The following TMTC1 variants were observed in gnomAD, a reference collection of about 807,000 sequenced individuals.
The protein encoded by TMTC1 is transmembrane O-mannosyltransferase targeting cadherins 1.
Under a neutral mutation model 104.8 loss-of-function variants are expected in TMTC1, and 73 were observed. The observed-to-expected ratio is 0.70, with a 90% CI of 0.58 to 0.85. The LOEUF is 0.85. Ranked by LOEUF, TMTC1 falls within the 40% of genes least tolerant of loss-of-function variation. The pLI is 0.00. For missense variants in TMTC1, 1,035 were observed against 1,096.1 expected, an observed-to-expected ratio of 0.94 and a Z score of 0.79; for synonymous variants, 434 against 428.7, an observed-to-expected ratio of 1.01 and a Z score of -0.15.
chr12:29,680,085 A>G (rs1940862686), intron 5 of TMTC1, among the ~76,000 whole-genome samples: 1 of 152,190 alleles, frequency 6.6e-6, no homozygotes, highest in Admixed American at 6.5e-5. Flanking sequence ...AATAAAGCAA[A>G]TAAGTAATTA....
At chr12:29,620,791 A>G (rs1226738936) in intron 6 of TMTC1, among the ~76,000 whole-genome samples, 1 of 152,228 alleles carries the variant, frequency 6.6e-6, no homozygotes, top group Non-Finnish European at 1.5e-5. Context: ...ATAGCAGAAC[A>G]TTATCAGCAC....
chr12:29,727,672 G>C (rs1258157882), intron 5 of TMTC1, among the ~76,000 whole-genome samples: 1 of 152,102 alleles, frequency 6.6e-6, no homozygotes, highest in Admixed American at 6.6e-5. Flanking sequence ...CACCGTGCCT[G>C]GCCCTGAAAT....
chr12:29,664,031 C>CA (rs1164768551), intron 5 of TMTC1, among the ~76,000 whole-genome samples: 2 of 150,836 alleles, frequency 1.3e-5, no homozygotes, highest in South Asian at 2.1e-4. Flanking sequence ...ACTAAAAATA[C>CA]AAAAAATTAG....
chr12:29,779,409 T>G (rs1035140799), intron 1 of TMTC1, among the ~76,000 whole-genome samples: 3 of 152,232 alleles, frequency 2.0e-5, no homozygotes, highest in African/African-American at 4.8e-5. Context: ...TGCTTTCATA[T>G]TCCACTGTCC....
chr12:29,624,561 G>A (rs780048766), intron 6 of TMTC1, among the ~76,000 whole-genome samples: 12 of 152,082 alleles, frequency 7.9e-5, no homozygotes, highest in Non-Finnish European at 1.2e-4. Flanking sequence ...GTCTGTGATG[G>A]GTCTAGTACT....
intron 5 of TMTC1, among the ~76,000 whole-genome samples, chr12:29,739,048 G>A (rs1942756737): frequency 6.6e-6 from 1 of 152,080 alleles, no homozygotes; most frequent in Non-Finnish European, 1.5e-5. Context: ...AATATCAAAT[G>A]CTTTGAATTT....
chr12:29,774,012 C>G (rs1309646704), intron 1 of TMTC1, among the ~76,000 whole-genome samples: 1 of 87,306 alleles, frequency 1.1e-5, no homozygotes, highest in East Asian at 4.5e-4. Flanking sequence ...TCTGGGAATA[C>G]AGTGGAGACA....
At chr12:29,617,285 T>C (rs968982199) in intron 6 of TMTC1, among the ~76,000 whole-genome samples, 2 of 152,156 alleles carry the variant, frequency 1.3e-5, no homozygotes, top group Non-Finnish European at 1.5e-5. Context: ...CCAGTTTACG[T>C]GCTTTGTCAA....
At chr12:29,717,021 C>CAAACA (rs1002307496) in intron 5 of TMTC1, among the ~76,000 whole-genome samples, 3 of 151,772 alleles carry the variant, frequency 2.0e-5, no homozygotes, top group African/African-American at 7.3e-5. Flanking sequence ...GACTCCGTCT[C>CAAACA]AAAAAACAAA....
intron 6 of TMTC1, among the ~76,000 whole-genome samples, chr12:29,625,229 T>G (rs1937916190): frequency 1.3e-5 from 2 of 152,294 alleles, no homozygotes; most frequent in Admixed American, 6.5e-5. Flanking sequence ...TCATAAAAGT[T>G]TAATCCTCCT....
chr12:29,554,475 C>CTT lies in TMTC1; in HGVS notation c.1676+2381_1676+2382insAA, dbSNP rs572629888. ...AGACGTTAGCGAGTCTTTAGCAAGA[C>CTT]TAAAAGTAAGAAAAAGCAGAGCAGT... On this transcript the variant is annotated intron_variant, in intron 10 of 17. Transcript: ENST00000539277. 1.4e-3 allele frequency among the ~76,000 whole-genome samples: 210 copies of CTT among 151,916 alleles called. 1 individual carries two copies. The highest frequency in any genetic ancestry group is 4.8e-3 in the African/African-American group (199 of 41,420).
rs1042346024 is a variant in TMTC1 at position 29,504,058 on chromosome 12, T to A, written c.*2788A>T. 3 of 151,998 alleles carry A rather than the reference T, an allele frequency of 2.0e-5. No individual in the cohort carries two copies. The highest frequency in any genetic ancestry group is 4.4e-5 in the Non-Finnish European group (3 of 68,018). The allele number at this position is 151,998 out of a possible 1,614,324, so 9.4% of individuals were successfully genotyped here. On this transcript the variant is annotated 3_prime_UTR_variant, in exon 18 of 18. Transcript: ENST00000539277. ...ATGTTTGTGCCACTGAACTCCATCC[T>A]GGGTGACAAAAAGACAAAGTGGAAC...
At chr12:29,750,407 T>C (rs984729636) in intron 5 of TMTC1, among the ~76,000 whole-genome samples, 1 of 150,496 alleles carries the variant, frequency 6.6e-6, no homozygotes, top group Non-Finnish European at 1.5e-5. Flanking sequence ...GTTGATTATT[T>C]ATTGTCTACC....
intron 5 of TMTC1, among the ~76,000 whole-genome samples, chr12:29,685,501 A>G (rs1229703114): frequency 6.6e-6 from 1 of 152,156 alleles, no homozygotes; most frequent in African/African-American, 2.4e-5. Flanking sequence ...TTAAAAAGAC[A>G]AAACATAAAG....
intron 6 of TMTC1, 114 bp from the exon 7 acceptor site, chr12:29,604,413 C>A: frequency 7.1e-7 from 1 of 1,399,190 alleles, no homozygotes. Context: ...TAAATTAGAC[C>A]AATATAAACC....
chr12:29,707,219 G>A (rs986140627), intron 5 of TMTC1, among the ~76,000 whole-genome samples: 1 of 152,064 alleles, frequency 6.6e-6, no homozygotes, highest in Non-Finnish European at 1.5e-5. Context: ...CCCTTCCTTG[G>A]ATCTGCTTCT....
At chr12:29,724,302 G>A (rs1299807840) in intron 5 of TMTC1, among the ~76,000 whole-genome samples, 1 of 152,090 alleles carries the variant, frequency 6.6e-6, no homozygotes, top group Non-Finnish European at 1.5e-5. Flanking sequence ...TGCTGAGTGT[G>A]GTATATATTG....
intron 6 of TMTC1, among the ~76,000 whole-genome samples, chr12:29,626,145 A>G (rs2136479086): frequency 1.3e-5 from 2 of 152,340 alleles, no homozygotes; most frequent in Admixed American, 1.3e-4. Context: ...AATTTAGGTA[A>G]TAAATATTGA....
chr12:29,617,449 T>C (rs549270262), intron 6 of TMTC1, among the ~76,000 whole-genome samples: 3 of 152,102 alleles, frequency 2.0e-5, no homozygotes, highest in Non-Finnish European at 2.9e-5. Flanking sequence ...ACTTAAAGAA[T>C]TTAGCAATCA....
Sources: allele counts gnomAD v4.1 joint callset (sites outside exome capture counted in the v4.1 genomes callset), GRCh38; gene constraint gnomAD v4.1.1; transcripts MANE v1.5; gene names NCBI Gene and HGNC (gene_info 2026-07-23, HGNC 2026-07-21).